The following ARHGEF17 variants were observed in gnomAD, a reference collection of about 807,000 sequenced individuals.
ARHGEF17 encodes 164 kDa Rho-specific guanine-nucleotide exchange factor.
Under a neutral mutation model 174.0 loss-of-function variants are expected in ARHGEF17, and 80 were observed. The ratio of observed to expected loss-of-function variants is 0.46; its 90% confidence interval spans 0.38 to 0.55. The LOEUF (loss-of-function observed/expected upper bound fraction) is 0.55. Ranked by LOEUF, ARHGEF17 falls within the 20% of genes least tolerant of loss-of-function variation. The pLI, the probability that ARHGEF17 is intolerant of heterozygous loss-of-function variation, is 0.00. For synonymous variants in ARHGEF17, 1,311 were observed against 1,189.1 expected, an observed-to-expected ratio of 1.10 and a Z score of -2.11; for missense variants, 2,886 against 2,839.7, an observed-to-expected ratio of 1.02 and a Z score of -0.37.
intron 1 of ARHGEF17, among the ~76,000 whole-genome samples, chr11:73,346,124 C>T (rs1269536532): frequency 6.6e-6 from 1 of 152,116 alleles, no homozygotes; most frequent in Non-Finnish European, 1.5e-5. Context: ...TTCAGGTCAT[C>T]AGATCCATAG....
chr11:73,311,677 C>A lies in ARHGEF17; in HGVS notation c.3039C>A (p.Asn1013Lys), dbSNP rs780222973. ...ACGTCACCAAGCAGTACATGCTGAA[C>A]CTGCACTCCGGTGAGGTCCCTGCCC... Reference protein sequence around the residue: ...LEDVTKQYMLNLHSGEVPAPV... With the variant: ...LEDVTKQYMLKLHSGEVPAPV... Residue 1013 changes from asparagine (N) to lysine (K), a missense_variant, in exon 1 of 21, where the codon AAC becomes AAA. Transcript: ENST00000263674. 1.2e-6 allele frequency: 2 copies of A among 1,613,440 alleles called. No individual in the cohort carries two copies. Among genetic ancestry groups the A allele is most frequent in the African/African-American group, 1.3e-5 (1 of 75,054 alleles).
Position 73,365,259 on chromosome 11 carries a change from G to A in ARHGEF17, c.5551-131G>A. ...GGAGGTGCTGGTGAAACCAAGCTTC[G>A]AAAGGTTAATCAGACCAAGGACCAA... is the stretch of plus-strand genomic sequence containing the variant. On this transcript the variant is annotated intron_variant, in intron 18 of 20. Coordinates refer to ENST00000263674, the MANE Select transcript of ARHGEF17 (RefSeq NM_014786.4). The surrounding 1 kb of genome is among the most constrained non-coding windows in gnomAD (Gnocchi z 4.9). 5.8e-6 allele frequency: 6 copies of A among 1,028,166 alleles called. No individual in the cohort carries two copies. Among genetic ancestry groups the A allele is most frequent in the South Asian group, 1.6e-5 (1 of 61,758 alleles). The allele number at this position is 1,028,166 out of a possible 1,614,324, so 63.7% of individuals were successfully genotyped here. A position where few individuals can be genotyped will look rare whatever the true frequency, so the allele number is the denominator to read the frequency against.
chr11:73,363,339 G>C lies in ARHGEF17; in HGVS notation c.5130G>C (p.Gly1710=), dbSNP rs758752347. Residue 1710 remains glycine (G), a synonymous_variant, in exon 15 of 21, where the codon GGG becomes GGC. Transcript: ENST00000263674. Reference sequence around the variant, plus strand: ...CCTGCGGCACCAGCCCAATGGATGGGAGAGCCCTTCGCCGCTCCAGCCACG... The same window carrying C: ...CCTGCGGCACCAGCCCAATGGATGGCAGAGCCCTTCGCCGCTCCAGCCACG... ...GGPCGTSPMD[G]RALRRSSHGS... 5.6e-6 allele frequency: 9 copies of C among 1,612,836 alleles called. No individual in the cohort carries two copies. Among genetic ancestry groups the C allele is most frequent in the Non-Finnish European group, 7.6e-6 (9 of 1,179,850 alleles).
intron 1 of ARHGEF17, among the ~76,000 whole-genome samples, chr11:73,337,419 A>G (rs1865304329): frequency 6.6e-6 from 1 of 151,922 alleles, no homozygotes; most frequent in African/African-American, 2.4e-5. Context: ...AAAAAAAAAA[A>G]AAAAAGCATG....
At chr11:73,334,825 C>A (rs1430115981) in intron 1 of ARHGEF17, among the ~76,000 whole-genome samples, 1 of 152,072 alleles carries the variant, frequency 6.6e-6, no homozygotes, top group Non-Finnish European at 1.5e-5. Flanking sequence ...TGGATAACTT[C>A]CGTTCCCACG....
At chr11:73,360,018 TAGAC>T (rs1865710418) in intron 10 of ARHGEF17, 66 bp downstream of exon 10, 17 of 1,405,698 alleles carry the variant, frequency 1.2e-5, no homozygotes, top group Admixed American at 2.2e-5. Context: ...GTCTGAGAGA[TAGAC>T]AGCCCTGACA....
At chr11:73,332,269 G>A (rs1178159550) in intron 1 of ARHGEF17, among the ~76,000 whole-genome samples, 1 of 151,244 alleles carries the variant, frequency 6.6e-6, no homozygotes, top group East Asian at 1.9e-4. Context: ...GTGGTCTCTG[G>A]CTCTACCCCT....
chr11:73,326,034 G>T (rs1049182434), intron 1 of ARHGEF17, among the ~76,000 whole-genome samples: 3 of 152,246 alleles, frequency 2.0e-5, no homozygotes, highest in Non-Finnish European at 4.4e-5. Flanking sequence ...CGGGTTGGGG[G>T]AACCCAGGGG....
chr11:73,352,101 T>C (rs1039662790), intron 2 of ARHGEF17, among the ~76,000 whole-genome samples: 1 of 152,054 alleles, frequency 6.6e-6, no homozygotes, highest in Non-Finnish European at 1.5e-5. Flanking sequence ...GGCAGGTGGA[T>C]CACTTGAGGT....
rs1865881603 is a variant in ARHGEF17, at chr11:73,368,622, C to T, written c.*842C>T. The T allele has an allele frequency of 6.6e-6, 1 of 152,424 alleles. No homozygotes were observed. Among genetic ancestry groups the T allele is most frequent in the African/African-American group, 2.4e-5 (1 of 41,428 alleles). The allele number at this position is 152,424 out of a possible 1,614,324, so 9.4% of individuals were successfully genotyped here. A position where few individuals can be genotyped will look rare whatever the true frequency, so the allele number is the denominator to read the frequency against. ...TTCTCTCAGGTAGGAGAAATGGGCC[C>T]ATGATCTCCTCACAGTCGCCCCCAG... On this transcript the variant is annotated 3_prime_UTR_variant, in exon 21 of 21. Coordinates refer to ENST00000263674, the MANE Select transcript of ARHGEF17 (RefSeq NM_014786.4).
intron 2 of ARHGEF17, among the ~76,000 whole-genome samples, chr11:73,347,704 C>T (rs542546765): frequency 2.0e-5 from 3 of 152,182 alleles, no homozygotes; most frequent in African/African-American, 4.8e-5. Context: ...TGCCAGGGTC[C>T]GTGGATGATC....
In ARHGEF17 at chr11:73,367,777, G is replaced by A; in HGVS notation, c.6189G>A (p.Val2063=). The A allele has an allele frequency of 6.2e-7, 1 of 1,607,708 alleles. No individual in the cohort carries two copies. The highest frequency in any genetic ancestry group is 2.2e-5 in the East Asian group (1 of 44,712). ...DSTNHLLLWR[V] ...CAAACCACCTCCTCCTGTGGAGGGT[G>A]TGACCCTGTCTGCCGTGGCCCAGGA... Residue 2063 remains valine (V), a synonymous_variant, in exon 21 of 21, where the codon GTG becomes GTA. Coordinates refer to ENST00000263674, the MANE Select transcript of ARHGEF17 (RefSeq NM_014786.4).
Position 73,311,751 on chromosome 11 carries a change from C to T in ARHGEF17, c.3113C>T (p.Ala1038Val). Residue 1038 changes from alanine to valine, a missense_variant, in exon 1 of 21, where the codon GCT becomes GTT. Ala to Val is a moderately conservative substitution (Grantham distance 64). This residue lies in a region of ARHGEF17 where 1,728 missense variants were observed against 1,461.2 expected (regional missense o/e 1.18). Transcript: ENST00000263674. Reference sequence around the variant, plus strand: ...TTGCCTCTGGCTGCACCGCCCTCTGCTGAGGCCAAGCCCCCTGAGGCAGCT... The same window carrying T: ...TTGCCTCTGGCTGCACCGCCCTCTGTTGAGGCCAAGCCCCCTGAGGCAGCT... The part of the protein sequence containing the change: ...PCLPLAAPPS[A>V]EAKPPEAARP... 1 of 1,613,150 alleles carries T rather than the reference C, an allele frequency of 6.2e-7. No homozygotes were observed. Among genetic ancestry groups the T allele is most frequent in the Non-Finnish European group, 8.5e-7 (1 of 1,180,016 alleles).
chr11:73,364,185 C>G lies in ARHGEF17; in HGVS notation c.5347C>G (p.Gln1783Glu), dbSNP rs555272733. Residue 1783 changes from glutamine (Q) to glutamate (E), a missense_variant, in exon 17 of 21, where the codon CAG becomes GAG. This residue lies in a region of ARHGEF17 where 329 missense variants were observed against 435.2 expected (regional missense o/e 0.76). Transcript: ENST00000263674. ...TTCCCTACCCAGGTATCTGAATAAC[C>G]AGGTGTTTGTGTCTCTGGCCAATGG... ...SVTCILYLNN[Q>E]VFVSLANGEL... 1.2e-6 allele frequency: 2 copies of G among 1,614,126 alleles called. No individual in the cohort carries two copies. Among genetic ancestry groups the G allele is most frequent in the South Asian group, 2.2e-5 (2 of 91,084 alleles).
chr11:73,347,888 A>C (rs1865490954), intron 2 of ARHGEF17, among the ~76,000 whole-genome samples: 1 of 152,226 alleles, frequency 6.6e-6, no homozygotes, highest in African/African-American at 2.4e-5. Flanking sequence ...TGGACTGGTC[A>C]GGCCAGGCGT....
chr11:73,309,615 G>A lies in ARHGEF17; in HGVS notation c.977G>A (p.Ser326Asn), dbSNP rs921404723. The A allele has an allele frequency of 1.2e-5, 19 of 1,612,960 alleles. No homozygotes were observed. Among genetic ancestry groups the A allele is most frequent in the Non-Finnish European group, 1.4e-5 (16 of 1,180,016 alleles). Reference protein sequence around the residue: ...SSMNSAGVSGSPEPPTSPRAP... With the variant: ...SSMNSAGVSGNPEPPTSPRAP... ...ATGAACTCAGCAGGGGTTTCTGGGA[G>A]CCCTGAGCCCCCAACATCTCCAAGA... Residue 326 changes from serine to asparagine, a missense_variant, in exon 1 of 21, where the codon AGC becomes AAC. By Grantham distance (46) the Ser-to-Asn change is conservative (BLOSUM62 1). Around this residue, in one of 4 missense-constraint regions of ARHGEF17, gnomAD observed 1,728 missense variants for 1,461.2 expected, o/e 1.18. Coordinates refer to ENST00000263674, the MANE Select transcript of ARHGEF17 (RefSeq NM_014786.4).
rs564489839 is a variant in ARHGEF17 at position 73,364,287 on chromosome 11, G to A, written c.5401+48G>A. 8 of 1,607,184 alleles carry A rather than the reference G, an allele frequency of 5.0e-6. No homozygotes were observed. In the East Asian group the frequency reaches 1.6e-4, roughly 31 times the overall value. On this transcript the variant is annotated intron_variant, in intron 17 of 20. Coordinates refer to ENST00000263674, the MANE Select transcript of ARHGEF17 (RefSeq NM_014786.4). ...ACCCTGCCCCTGTCCCCTTACTGGTGTTGGGGCTCTCTCCTGGAGATGTGG... is the reference window on the plus strand; with the variant it reads ...ACCCTGCCCCTGTCCCCTTACTGGTATTGGGGCTCTCTCCTGGAGATGTGG...
chr11:73,324,068 C>T (rs1456124011), intron 1 of ARHGEF17, among the ~76,000 whole-genome samples: 1 of 152,206 alleles, frequency 6.6e-6, no homozygotes, highest in African/African-American at 2.4e-5. Context: ...AGACCCCTGG[C>T]CAGGGACTGG....
In ARHGEF17 at chr11:73,346,468, T is replaced by C. The variant is rs577798612; in HGVS notation, c.3193-415T>C. Reference sequence around the variant, plus strand: ...CCAGGTGGGCATGTCCCCATAGCACTGAGCCTGAAGTTGGGGTCTTCAGAG... The same window carrying C: ...CCAGGTGGGCATGTCCCCATAGCACCGAGCCTGAAGTTGGGGTCTTCAGAG... On this transcript the variant is annotated intron_variant, in intron 1 of 20. Coordinates refer to ENST00000263674, the MANE Select transcript of ARHGEF17 (RefSeq NM_014786.4). 1.6e-3 allele frequency among the ~76,000 whole-genome samples: 248 copies of C among 152,350 alleles called. 1 individual carries two copies. The highest frequency in any genetic ancestry group is 2.9e-3 in the Non-Finnish European group (196 of 68,020).
Sources: gnomAD v4.1 joint callset for allele counts (sites outside exome capture counted in the v4.1 genomes callset) on GRCh38, gnomAD v4.1.1 for gene constraint, gnomAD v4.1.1 regional missense constraint, Gnocchi (gnomAD v3.1) non-coding constraint, MANE v1.5 for transcripts, NCBI Gene and HGNC (gene_info 2026-07-23, HGNC 2026-07-21) for gene names.